Variants in NLRP7 observed in about 807,000 individuals in gnomAD.
NLRP7 encodes NACHT, LRR and PYD domains-containing protein 7.
Under a neutral mutation model 85.5 loss-of-function variants are expected in NLRP7, and 72 were observed. The observed-to-expected ratio is 0.84, with a 90% CI of 0.70 to 1.02. NLRP7 has a LOEUF of 1.02. Among genes scored for constraint, NLRP7 ranks in the 50% least tolerant of loss-of-function variants. The pLI, the probability that NLRP7 is intolerant of heterozygous loss-of-function variation, is 0.00. For missense variants in NLRP7, 1,243 were observed against 1,219.5 expected, an observed-to-expected ratio of 1.02 and a Z score of -0.29; for synonymous variants, 550 against 505.2, an observed-to-expected ratio of 1.09 and a Z score of -1.19.
At chr19:54,935,235 A>C (rs969581619) in intron 6 of NLRP7, among the ~76,000 whole-genome samples, 1 of 151,810 alleles carries the variant, frequency 6.6e-6, no homozygotes, top group Non-Finnish European at 1.5e-5. Flanking sequence ...GGGGAAAAAA[A>C]AATTTTTTTT....
At chr19:54,940,997 G>C (rs781602867) in exon 3 of NLRP7, 1 of 1,608,480 alleles carries the variant, frequency 6.2e-7, no homozygotes, top group East Asian at 2.2e-5. Flanking sequence ...TCTTGCACCT[G>C]TCCGTCCTCT....
At chr19:54,923,635 G>T in exon 10 of NLRP7, 2 of 1,319,070 alleles carry the variant, frequency 1.5e-6, no homozygotes, top group Non-Finnish European at 2.2e-6. Context: ...CCTACCTCTC[G>T]ACAGACTCTA....
upstream of NLRP7, among the ~76,000 whole-genome samples, chr19:54,952,450 C>T (rs899915326): frequency 3.9e-5 from 6 of 151,908 alleles, no homozygotes; most frequent in African/African-American, 7.2e-5. Context: ...AAAAATTAGT[C>T]GGGCGTGGTA....
At chr19:54,953,554 C>G (rs144944672) in intron 1 of NLRP7, among the ~76,000 whole-genome samples, 15 of 148,188 alleles carry the variant, frequency 1.0e-4, no homozygotes, top group East Asian at 1.9e-4. Context: ...CATTCCTGGG[C>G]CGCGGGGCTG....
intron 9 of NLRP7, among the ~76,000 whole-genome samples, chr19:54,929,469 T>G (rs527918668): frequency 6.6e-6 from 1 of 152,314 alleles, no homozygotes; most frequent in African/African-American, 2.4e-5. Flanking sequence ...GGATTGCAGA[T>G]TCTAGTTGGA....
At chr19:54,930,902 A>T (rs983833126) in intron 8 of NLRP7, among the ~76,000 whole-genome samples, 3 of 152,054 alleles carry the variant, frequency 2.0e-5, no homozygotes, top group African/African-American at 7.2e-5. Context: ...GCACGCCTGT[A>T]GTGCCAGCTA....
Position 54,965,434 on chromosome 19 carries a change from T to G in NLRP7, c.-77+606A>C, listed in dbSNP as rs1446528203. 3.0e-5 allele frequency: 3 copies of G among 98,872 alleles called. 1 individual carries two copies. Among genetic ancestry groups the G allele is most frequent in the Non-Finnish European group, 6.4e-5 (3 of 47,162 alleles). The allele number at this position is 98,872 out of a possible 1,614,324, so 6.1% of individuals were successfully genotyped here. On this transcript the variant is annotated intron_variant, in intron 1 of 2. Coordinates refer to the NLRP7 transcript ENST00000587103. The stretch of plus-strand genomic sequence containing the variant: ...ATTTCTTTATTTCTCCATTCCACAG[T>G]TGGTAAAATTTCTCCTTTTATTTCA...
chr19:54,962,882 AGG>A (rs1235295855), intron 1 of NLRP7, among the ~76,000 whole-genome samples: 3 of 152,026 alleles, frequency 2.0e-5, no homozygotes, highest in Non-Finnish European at 4.4e-5. Flanking sequence ...TACAGGCGTG[AGG>A]CACCACACTG....
chr19:54,940,453 T>A lies in NLRP7; in HGVS notation c.366A>T (p.Gly122=), dbSNP rs553236159. The A allele has an allele frequency of 1.2e-5, 19 of 1,613,948 alleles. No individual in the cohort carries two copies. The South Asian group carries it at 2.0e-4, about 17-fold the overall frequency. ...ACTGTTTCTCCATTGAATTTCTCCA[T>A]CCTTCCTTTTCACCTGCAGTGACAG... The change falls in exon 4 of 10, where the codon GGA becomes GGT. Residue 122 remains glycine, a synonymous_variant. Coordinates refer to ENST00000340844, the Ensembl canonical transcript of NLRP7.
intron 1 of NLRP7, among the ~76,000 whole-genome samples, chr19:54,957,870 G>A (rs2069909387): frequency 6.6e-6 from 1 of 152,238 alleles, no homozygotes; most frequent in Non-Finnish European, 1.5e-5. Flanking sequence ...TGGAGCCCAA[G>A]AGTTCAAGAC....
chr19:54,957,440 G>A (rs1469470567), intron 1 of NLRP7, among the ~76,000 whole-genome samples: 1 of 150,714 alleles, frequency 6.6e-6, no homozygotes, highest in Non-Finnish European at 1.5e-5. Flanking sequence ...CCTCCTCCCG[G>A]GTTCAAGTGA....
At position 54,946,149 on chromosome 19, in the gene NLRP7, C is replaced by T. The variant is rs530685054; in HGVS notation, c.-40+1320G>A. On this transcript the variant is annotated intron_variant, in intron 1 of 9. Coordinates refer to ENST00000340844, the Ensembl canonical transcript of NLRP7. ...CTCGAACTCCTGACCTCAGCTGATC[C>T]ACCCGCCTCGGCCTCCCAAAGTGCT... Among the ~76,000 whole-genome samples, 6 of 151,754 alleles carry T rather than the reference C, an allele frequency of 4.0e-5. No homozygotes were observed. In the East Asian group the frequency reaches 1.2e-3, roughly 30 times the overall value.
Position 54,934,494 on chromosome 19 carries a change from C to T in NLRP7, c.2466G>A (p.Met822Ile). ...CATGGGAAGAGGAGACTTACGACAA[C>T]ATCTGCAGGAAGTGTTTTGGGCGTG... is the stretch of plus-strand genomic sequence containing the variant. Residue 822 changes from methionine to isoleucine, a missense_variant, in exon 7 of 10, where the codon ATG (methionine) becomes ATA (isoleucine). Around this residue, in one of 3 missense-constraint regions of NLRP7, gnomAD observed 613 missense variants for 588.4 expected, o/e 1.04. Coordinates refer to ENST00000340844, the Ensembl canonical transcript of NLRP7. This position sits in a 1 kb window ranked among gnomAD's most constrained non-coding sequence, Gnocchi z 6.7. The T allele has an allele frequency of 6.2e-7, 1 of 1,614,156 alleles. No individual in the cohort carries two copies. The highest frequency in any genetic ancestry group is 8.5e-7 in the Non-Finnish European group (1 of 1,179,996).
chr19:54,938,937 C>T lies in NLRP7; in HGVS notation c.1882G>A (p.Val628Met), dbSNP rs1419874912. The T allele has an allele frequency of 5.0e-6, 8 of 1,614,124 alleles. No homozygotes were observed. The East Asian group carries it at 1.8e-4, about 36-fold the overall frequency. ...AAATCCATGTAATTCTCCAGGAACA[C>T]CCCCTTTGCTACCTGCAGTGAGAGT... is the stretch of plus-strand genomic sequence containing the variant. Residue 628 changes from valine (V) to methionine (M), a missense_variant, in exon 4 of 10, where the codon GTG (valine) becomes ATG (methionine). Physicochemically the swap from Val to Met is conservative, Grantham distance 21 (BLOSUM62 1). Transcript: ENST00000340844.
intron 1 of NLRP7, among the ~76,000 whole-genome samples, chr19:54,964,242 A>T (rs1162609522): frequency 2.3e-5 from 2 of 87,798 alleles, no homozygotes; most frequent in East Asian, 4.1e-4. Flanking sequence ...TTTGAGATGG[A>T]GCCTTGCTCT....
chr19:54,930,703 C>T, intron 8 of NLRP7, 37 bp from the exon 9 acceptor site: 2 of 1,568,970 alleles, frequency 1.3e-6, no homozygotes, highest in Non-Finnish European at 1.8e-6. Flanking sequence ...CCTGTTATCC[C>T]TCTGGCTAAC....
chr19:54,947,392 A>G, intron 1 of NLRP7, 77 bp downstream of exon 1: 1 of 1,067,306 alleles, frequency 9.4e-7, no homozygotes, highest in Non-Finnish European at 1.3e-6. Context: ...GGGAAGGGCT[A>G]TGGTGGAAAC....
chr19:54,946,663 G>A (rs1032399153), intron 1 of NLRP7, among the ~76,000 whole-genome samples: 9 of 150,848 alleles, frequency 6.0e-5, no homozygotes, highest in Non-Finnish European at 1.2e-4. Context: ...TTTTTGAGAC[G>A]GAGTCGCACT....
upstream of NLRP7, among the ~76,000 whole-genome samples, chr19:54,951,031 T>C (rs920506234): frequency 3.3e-5 from 5 of 152,170 alleles, no homozygotes; most frequent in Non-Finnish European, 5.9e-5. Flanking sequence ...CTTCAAGCAT[T>C]TGTTTAACAA....
Sources: gnomAD v4.1 joint callset for allele counts (sites outside exome capture counted in the v4.1 genomes callset) on GRCh38, gnomAD v4.1.1 for gene constraint, gnomAD v4.1.1 regional missense constraint, Gnocchi (gnomAD v3.1) non-coding constraint, MANE v1.5 for transcripts, NCBI Gene and HGNC (gene_info 2026-07-23, HGNC 2026-07-21) for gene names.